KDM5B: variants seen among roughly 807,000 people sequenced by gnomAD.
KDM5B encodes lysine-specific demethylase 5B.
A neutral mutation model predicts 193.4 loss-of-function variants in KDM5B; 144 were observed. The ratio of observed to expected loss-of-function variants is 0.74; its 90% CI spans 0.65 to 0.86. The LOEUF (loss-of-function observed/expected upper bound fraction) is 0.86, where lower values mean the gene tolerates loss of function less well. Among genes scored for constraint, KDM5B ranks in the 40% least tolerant of loss-of-function variants. KDM5B has a pLI of 0.00. For missense variants in KDM5B, 1,833 were observed against 1,886.9 expected (o/e 0.97, Z 0.53); for synonymous variants, 668 against 682.6 (o/e 0.98, Z 0.33).
Position 202,729,763 on chromosome 1 carries a change from C to A in KDM5B, c.4441G>T (p.Glu1481Ter). 6.2e-7 allele frequency: 1 copy of A among 1,614,148 alleles called. No homozygotes were observed. The highest frequency in any genetic ancestry group is 8.5e-7 in the Non-Finnish European group (1 of 1,179,982). ...DTSYSEQEDS[E>*]DEDAICPAVS... ...GCTGGGCAGATGGCATCTTCATCCT[C>A]AGAGTCTTCCTGTTCGGAATAGGAT... is the stretch of plus-strand genomic sequence containing the variant. The change falls in exon 26 of 27, where the codon GAG becomes TAG. Residue 1481 changes from glutamate to a stop codon, truncating the protein, a stop_gained. Transcript: ENST00000367265. LOFTEE classifies it high-confidence loss of function.
At chr1:202,754,303 C>T (rs1003844708) in intron 11 of KDM5B, among the ~76,000 whole-genome samples, 4 of 152,158 alleles carry the variant, frequency 2.6e-5, no homozygotes, top group African/African-American at 7.2e-5. Context: ...GTGGTACATC[C>T]TCAAATTCCT....
chr1:202,742,633 T>G, intron 17 of KDM5B, 22 bp downstream of exon 17: 1 of 1,612,270 alleles, frequency 6.2e-7, no homozygotes, highest in Non-Finnish European at 8.5e-7. Context: ...GAATCCAAAC[T>G]CACGCAGTCA....
chr1:202,758,583 C>G lies in KDM5B; in HGVS notation c.1078-73G>C, dbSNP rs1031510018. On this transcript the variant is annotated intron_variant, in intron 8 of 26. Coordinates refer to ENST00000367265, the MANE Select transcript of KDM5B (RefSeq NM_006618.5). Reference sequence around the variant, plus strand: ...TATACTTGGTCAATCATCAAGCTGGCAGATAAAAAACAAGGCTTTAATTTG... The same window carrying G: ...TATACTTGGTCAATCATCAAGCTGGGAGATAAAAAACAAGGCTTTAATTTG... 4 of 1,296,452 alleles carry G rather than the reference C, an allele frequency of 3.1e-6. No individual in the cohort carries two copies. The African/African-American group carries it at 4.4e-5, about 14-fold the overall frequency. 80.3% of individuals were successfully genotyped at this position (1,296,452 alleles called of 1,614,324 possible).
chr1:202,789,300 C>A (rs1009196883), intron 1 of KDM5B, among the ~76,000 whole-genome samples: 1 of 152,060 alleles, frequency 6.6e-6, no homozygotes, highest in Non-Finnish European at 1.5e-5. Context: ...GCGGGTGGAT[C>A]ACTTGAGGTC....
chr1:202,734,815 C>T (rs1369916108), intron 22 of KDM5B, among the ~76,000 whole-genome samples: 1 of 152,192 alleles, frequency 6.6e-6, no homozygotes, highest in Admixed American at 6.5e-5. Context: ...GAGAAGGTGT[C>T]CAGATCCACA....
intron 1 of KDM5B, among the ~76,000 whole-genome samples, chr1:202,779,847 A>ATAAATAAATAAG (rs199618695): frequency 6.8e-6 from 1 of 147,954 alleles, no homozygotes; most frequent in African/African-American, 2.5e-5. Flanking sequence ...AAATAAATAA[A>ATAAATAAATAAG]AAATAAAGGA....
chr1:202,776,457 G>A (rs1269088046), intron 2 of KDM5B, among the ~76,000 whole-genome samples: 6 of 151,764 alleles, frequency 4.0e-5, no homozygotes, highest in South Asian at 2.1e-4. Flanking sequence ...CAGGAGGATC[G>A]CTTCAGCCCA....
At chr1:202,799,879 A>G (rs1021228806) in intron 1 of KDM5B, among the ~76,000 whole-genome samples, 3 of 152,198 alleles carry the variant, frequency 2.0e-5, no homozygotes, top group Non-Finnish European at 4.4e-5. Flanking sequence ...AAATGAAGTT[A>G]TTATTTCAAG....
intron 7 of KDM5B, among the ~76,000 whole-genome samples, chr1:202,762,445 A>T (rs879144847): frequency 6.6e-6 from 1 of 152,214 alleles, no homozygotes; most frequent in Admixed American, 6.5e-5. Flanking sequence ...TGCTAAACTG[A>T]ATGTATTCCA....
intron 1 of KDM5B, among the ~76,000 whole-genome samples, chr1:202,792,438 A>G (rs1407018348): frequency 1.3e-5 from 2 of 152,122 alleles, no homozygotes; most frequent in East Asian, 1.9e-4. Flanking sequence ...AGGCAGTGGT[A>G]CATTTATATA....
intron 1 of KDM5B, 55 bp downstream of exon 1, chr1:202,808,047 G>T: frequency 1.3e-6 from 2 of 1,569,126 alleles, no homozygotes; most frequent in Non-Finnish European, 8.7e-7. Context: ...GGACCCGCGC[G>T]TCCCCGCTCC....
chr1:202,790,257 G>A (rs1220877377), intron 1 of KDM5B, among the ~76,000 whole-genome samples: 1 of 134,986 alleles, frequency 7.4e-6, no homozygotes, highest in African/African-American at 2.5e-5. Context: ...CAGTGAAACT[G>A]TCTCATAAAT....
At chr1:202,757,096 T>TGG (rs35608917) in intron 9 of KDM5B, among the ~76,000 whole-genome samples, 23 of 150,408 alleles carry the variant, frequency 1.5e-4, no homozygotes, top group South Asian at 4.2e-4. Context: ...GGCTGGGAGG[T>TGG]GGGGGGGGGA....
In KDM5B at chr1:202,726,931, A is replaced by G. The variant is rs1458729390; in HGVS notation, c.*2105T>C. ...TGACATTCTCTTTAAATTCAGCATC[A>G]TCACACATAAAATGATCAGTGGTTC... is the stretch of plus-strand genomic sequence containing the variant. On this transcript the variant is annotated 3_prime_UTR_variant, in exon 27 of 27. Transcript: ENST00000367265. The G allele has an allele frequency of 3.3e-5, 5 of 152,236 alleles. No homozygotes were observed. The highest frequency in any genetic ancestry group is 1.2e-4 in the African/African-American group (5 of 41,448). 9.4% of individuals were successfully genotyped at this position (152,236 alleles called of 1,614,324 possible).
intron 4 of KDM5B, among the ~76,000 whole-genome samples, chr1:202,768,717 CTT>C (rs11450747): frequency 1.3e-4 from 17 of 130,390 alleles, no homozygotes; most frequent in East Asian, 2.2e-4. Flanking sequence ...GTTAACTATT[CTT>C]TTTTTTTTTT....
In KDM5B at chr1:202,745,868, G is replaced by C; in HGVS notation, c.2313C>G (p.Asn771Lys). ...TTCTGTATCACATACTTTTCTTCTT[G>C]TTGATCTTTGCCTCCAAAGCTTCAT... is the stretch of plus-strand genomic sequence containing the variant. ...NVNEALEAKINKKKSLVSFKA... is the reference protein window; with the variant it reads ...NVNEALEAKIKKKKSLVSFKA... The change falls in exon 16 of 27, where the codon AAC becomes AAG. Residue 771 changes from asparagine to lysine, a missense_variant. Transcript: ENST00000367265. 6.2e-7 allele frequency: 1 copy of C among 1,613,936 alleles called. No homozygotes were observed. Among genetic ancestry groups the C allele is most frequent in the East Asian group, 2.2e-5 (1 of 44,872 alleles).
Position 202,730,134 on chromosome 1 carries a change from C to T in KDM5B, c.4177-107G>A, listed in dbSNP as rs1654829693. The T allele has an allele frequency of 7.0e-6, 7 of 998,762 alleles. No individual in the cohort carries two copies. In the Admixed American group the frequency reaches 2.0e-4, roughly 29 times the overall value. 61.9% of individuals were successfully genotyped at this position (998,762 alleles called of 1,614,324 possible). On this transcript the variant is annotated intron_variant, in intron 25 of 26. Transcript: ENST00000367265. ...ATTAGAAATCAGATGATCCCCCAAT[C>T]TACACGGGAAAAAAATACTGCATCT...
chr1:202,743,977 A>G (rs2102238241), intron 16 of KDM5B, among the ~76,000 whole-genome samples: 1 of 152,364 alleles, frequency 6.6e-6, no homozygotes, highest in South Asian at 2.1e-4. Flanking sequence ...AACAAAAGCA[A>G]AAACTGACAA....
At chr1:202,782,131 G>A (rs1331735666) in intron 1 of KDM5B, among the ~76,000 whole-genome samples, 3 of 152,094 alleles carry the variant, frequency 2.0e-5, no homozygotes, top group Non-Finnish European at 4.4e-5. Flanking sequence ...TAAAACTAAA[G>A]AAATAGTTTG....
Sources: allele counts gnomAD v4.1 joint callset (sites outside exome capture counted in the v4.1 genomes callset), GRCh38; gene constraint gnomAD v4.1.1; transcripts MANE v1.5; gene names NCBI Gene and HGNC (gene_info 2026-07-23, HGNC 2026-07-21).